The following CNTN4 variants were observed in gnomAD, a reference collection of about 807,000 sequenced individuals.
CNTN4 encodes the protein contactin-4.
CNTN4 carries 77 observed loss-of-function variants against 122.5 expected under a neutral mutation model. That is an observed-to-expected ratio of 0.63 (90% CI 0.52 to 0.76). The LOEUF (loss-of-function observed/expected upper bound fraction) is 0.76. CNTN4 is among the 30% of genes least tolerant of loss of function. The pLI, the probability that CNTN4 is intolerant of heterozygous loss-of-function variation, is 0.00. For synonymous variants in CNTN4, 512 were observed against 447.0 expected (o/e 1.15, Z -1.83); for missense variants, 1,256 against 1,259.1 (o/e 1.00, Z 0.04).
At chr3:2,794,775 A>G (rs2092118584) in intron 6 of CNTN4, among the ~76,000 whole-genome samples, 1 of 152,216 alleles carries the variant, frequency 6.6e-6, no homozygotes, top group African/African-American at 2.4e-5. Context: ...CCTGGGAAGT[A>G]CTAAATCAAG....
intron 3 of CNTN4, among the ~76,000 whole-genome samples, chr3:2,554,444 C>T (rs1367959333): frequency 6.6e-6 from 1 of 151,960 alleles, no homozygotes; most frequent in Non-Finnish European, 1.5e-5. Context: ...TCATTTCATC[C>T]TGCATTTGTA....
At chr3:2,425,385 G>A (rs1377348661) in intron 3 of CNTN4, among the ~76,000 whole-genome samples, 1 of 152,086 alleles carries the variant, frequency 6.6e-6, no homozygotes, top group African/African-American at 2.4e-5. Context: ...GGTTGTAGAT[G>A]TGTGGTGTTA....
chr3:2,639,838 A>G (rs1009580721), intron 4 of CNTN4, among the ~76,000 whole-genome samples: 2 of 152,200 alleles, frequency 1.3e-5, no homozygotes, highest in African/African-American at 2.4e-5. Flanking sequence ...AAGCCAAATG[A>G]TTGAATGCTT....
At chr3:2,395,387 A>G (rs918717753) in intron 3 of CNTN4, among the ~76,000 whole-genome samples, 13 of 152,168 alleles carry the variant, frequency 8.5e-5, no homozygotes, top group Admixed American at 4.6e-4. Flanking sequence ...GAAACTTTCT[A>G]GAGTGATAAA....
At chr3:2,837,372 T>C (rs1220896141) in intron 7 of CNTN4, among the ~76,000 whole-genome samples, 1 of 152,180 alleles carries the variant, frequency 6.6e-6, no homozygotes, top group Non-Finnish European at 1.5e-5. Flanking sequence ...TGTCCTTGCT[T>C]TCCTGCCTGG....
intron 4 of CNTN4, among the ~76,000 whole-genome samples, chr3:2,708,706 G>A (rs914083702): frequency 8.1e-5 from 12 of 148,616 alleles, no homozygotes; most frequent in South Asian, 2.2e-4. Context: ...GTCCATGCAC[G>A]CAGGCACGCG....
intron 2 of CNTN4, among the ~76,000 whole-genome samples, chr3:2,305,332 A>G (rs2042666574): frequency 6.6e-6 from 1 of 152,186 alleles, no homozygotes; most frequent in Non-Finnish European, 1.5e-5. Context: ...AAATGAATTC[A>G]TTGAAAAGTA....
chr3:2,442,999 G>A lies in CNTN4; in HGVS notation c.-89+103766G>A, dbSNP rs560651520. On this transcript the variant is annotated intron_variant, in intron 3 of 24. Coordinates refer to ENST00000418658, the MANE Select transcript of CNTN4 (RefSeq NM_175607.3). ...AGCTTATTTATGAAAAATAGGGAGG[G>A]TGTAAGGAGGGAGAGGAGAAGAAAA... Among the ~76,000 whole-genome samples, 34 of 152,078 alleles carry A rather than the reference G, an allele frequency of 2.2e-4. No individual in the cohort carries two copies. The South Asian group carries it at 7.1e-3, about 32-fold the overall frequency.
rs397988483 is a variant in CNTN4 at position 2,520,259 on chromosome 3, C to CTTTT, written c.-88-51129_-88-51126dup. Among the ~76,000 whole-genome samples, 95 of 74,460 alleles carry CTTTT rather than the reference C, an allele frequency of 1.3e-3. 7 individuals are homozygous for CTTTT. The highest frequency in any genetic ancestry group is 3.5e-3 in the African/African-American group (49 of 13,848). The allele number at this position is 74,460 out of a possible 152,430, so 48.8% of individuals were successfully genotyped here. On this transcript the variant is annotated intron_variant, in intron 3 of 24. Transcript: ENST00000418658. ...AAAAAGATAGGTTGGTGATTGCTTC[C>CTTTT]TTTTTTTTTTTTTTTTTTTTTTTTT...
At chr3:2,856,188 C>G (rs1304886284) in intron 7 of CNTN4, among the ~76,000 whole-genome samples, 1 of 152,176 alleles carries the variant, frequency 6.6e-6, no homozygotes, top group Non-Finnish European at 1.5e-5. Flanking sequence ...CATATGTATT[C>G]TTGTCCACAA....
At chr3:2,116,613 G>T (rs1264726667) in intron 2 of CNTN4, among the ~76,000 whole-genome samples, 1 of 152,082 alleles carries the variant, frequency 6.6e-6, no homozygotes, top group African/African-American at 2.4e-5. Context: ...GATATAAATA[G>T]GATTCCCTTT....
chr3:2,185,646 G>C (rs953110073), intron 2 of CNTN4, among the ~76,000 whole-genome samples: 2 of 152,158 alleles, frequency 1.3e-5, no homozygotes, highest in African/African-American at 4.8e-5. Context: ...CTCTCAGTCT[G>C]TGCCTCTGTT....
At chr3:2,481,037 C>CTTTCT (rs771920723) in intron 3 of CNTN4, among the ~76,000 whole-genome samples, 21 of 133,856 alleles carry the variant, frequency 1.6e-4, no homozygotes, top group African/African-American at 6.4e-4. Context: ...TTTTTCTTTT[C>CTTTCT]TTTCTTTCTT....
intron 3 of CNTN4, among the ~76,000 whole-genome samples, chr3:2,447,609 G>A (rs2048672140): frequency 6.6e-6 from 1 of 151,902 alleles, no homozygotes. Flanking sequence ...ATTTATATAT[G>A]TATGTATATA....
intron 4 of CNTN4, among the ~76,000 whole-genome samples, chr3:2,666,385 T>C (rs1441891320): frequency 1.3e-5 from 2 of 152,184 alleles, no homozygotes; most frequent in African/African-American, 4.8e-5. Flanking sequence ...GATTTTGAAC[T>C]GGTATTAAGA....
intron 3 of CNTN4, among the ~76,000 whole-genome samples, chr3:2,525,766 GGT>G (rs1464554479): frequency 1.3e-5 from 2 of 152,096 alleles, no homozygotes; most frequent in African/African-American, 2.4e-5. Context: ...TATATGTAGA[GGT>G]GAATATTGCA....
At chr3:2,197,744 G>A (rs769984685) in intron 2 of CNTN4, among the ~76,000 whole-genome samples, 16 of 152,204 alleles carry the variant, frequency 1.1e-4, no homozygotes, top group South Asian at 2.1e-4. Context: ...GTCCAGGCAC[G>A]GTGGCTCATG....
At chr3:2,382,432 G>C (rs916312878) in intron 3 of CNTN4, among the ~76,000 whole-genome samples, 12 of 152,058 alleles carry the variant, frequency 7.9e-5, no homozygotes, top group African/African-American at 2.7e-4. Context: ...TGGGATTGCA[G>C]GCATGAGCCA....
intron 20 of CNTN4, among the ~76,000 whole-genome samples, chr3:3,041,579 C>G (rs1352398029): frequency 2.0e-5 from 3 of 152,168 alleles, no homozygotes; most frequent in Non-Finnish European, 4.4e-5. Context: ...CTGACTGTTT[C>G]CCAAATTTCA....
Sources: allele counts gnomAD v4.1 joint callset (sites outside exome capture counted in the v4.1 genomes callset), GRCh38; gene constraint gnomAD v4.1.1; transcripts MANE v1.5; gene names NCBI Gene and HGNC (gene_info 2026-07-23, HGNC 2026-07-21).